The following VTCN1 variants were observed in gnomAD, a reference collection of about 807,000 sequenced individuals.
The protein encoded by VTCN1 is V-set domain-containing T-cell activation inhibitor 1.
VTCN1 carries 26 observed loss-of-function variants against 26.5 expected under a neutral mutation model. The ratio of observed to expected loss-of-function variants is 0.98; its 90% CI spans 0.72 to 1.36. The LOEUF is 1.36. VTCN1 is among the 40% of genes most tolerant of loss of function. The probability of loss-of-function intolerance (pLI) is 0.00; values close to 1 mark genes in which losing one functional copy is unlikely to be tolerated. For missense variants in VTCN1, 298 were observed against 337.7 expected (o/e 0.88, Z 0.92); for synonymous variants, 116 against 130.7 (o/e 0.89, Z 0.77).
chr1:117,160,954 G>T (rs192325672), intron 2 of VTCN1, among the ~76,000 whole-genome samples: 1 of 152,148 alleles, frequency 6.6e-6, no homozygotes. Flanking sequence ...ATTATAGCTA[G>T]AAAAGGAGGA....
chr1:117,192,578 T>A (rs1361087889), intron 1 of VTCN1, among the ~76,000 whole-genome samples: 1 of 152,178 alleles, frequency 6.6e-6, no homozygotes, highest in African/African-American at 2.4e-5. Flanking sequence ...TAAATATAAC[T>A]ATAGCTATAA....
intron 1 of VTCN1, chr1:117,173,230 A>G (rs908471283): frequency 2.8e-6 from 2 of 713,880 alleles, no homozygotes; most frequent in African/African-American, 3.5e-5. Flanking sequence ...AAGACCATGA[A>G]CCCACCAGAA....
At chr1:117,164,722 T>G (rs17036892) in intron 2 of VTCN1, among the ~76,000 whole-genome samples, 3,523 of 152,306 alleles carry the variant, frequency 0.023, 90 homozygotes, top group East Asian at 0.082. Flanking sequence ...ATTCTGAGAT[T>G]CTTCCATTAT....
chr1:117,167,467 T>C lies in VTCN1; in HGVS notation c.97+2640A>G, dbSNP rs893540958. Among the ~76,000 whole-genome samples, 1 of 152,344 alleles carries C rather than the reference T, an allele frequency of 6.6e-6. No individual in the cohort carries two copies. The highest frequency in any genetic ancestry group is 1.9e-4 in the East Asian group (1 of 5,186). On this transcript the variant is annotated intron_variant, in intron 2 of 5. Coordinates refer to ENST00000369458, the MANE Select transcript of VTCN1 (RefSeq NM_024626.4). This position sits in a 1 kb window ranked among gnomAD's most constrained non-coding sequence, Gnocchi z 4.1. ...GCATAGAATCATACAGAACTTACTCTTTTGTGCTCTTCTGTAGTTCCACAT... is the reference window on the plus strand; with the variant it reads ...GCATAGAATCATACAGAACTTACTCCTTTGTGCTCTTCTGTAGTTCCACAT...
intron 3 of VTCN1, 103 bp from the exon 4 acceptor site, chr1:117,153,472 T>C (rs946503282): frequency 7.9e-6 from 11 of 1,386,500 alleles, no homozygotes; most frequent in Non-Finnish European, 1.1e-5. Flanking sequence ...TTTTTTTTTT[T>C]TTTTTTTTAT....
At chr1:117,172,440 A>G (rs945849024) in intron 1 of VTCN1, 1 of 518,840 alleles carries the variant, frequency 1.9e-6, no homozygotes, top group African/African-American at 1.9e-5. Context: ...TACTGGTCCA[A>G]GAGAGTGAGA....
rs1310119966 is a variant in VTCN1 at position 117,183,701 on chromosome 1, G to A, written c.33-13530C>T. Among the ~76,000 whole-genome samples, 1 of 151,976 alleles carries A rather than the reference G, an allele frequency of 6.6e-6. No homozygotes were observed. The highest frequency in any genetic ancestry group is 2.1e-4 in the South Asian group (1 of 4,828). On this transcript the variant is annotated intron_variant, in intron 1 of 5. Transcript: ENST00000369458. This position sits in a 1 kb window ranked among gnomAD's most constrained non-coding sequence, Gnocchi z 4.1. Reference sequence around the variant, plus strand: ...CTCTAAAAGAGAAAGGACATTGTAGGGAATGAAGAGTTAAATTTCCAGAAT... The same window carrying A: ...CTCTAAAAGAGAAAGGACATTGTAGAGAATGAAGAGTTAAATTTCCAGAAT...
chr1:117,178,986 C>A (rs1647537872), intron 1 of VTCN1, among the ~76,000 whole-genome samples: 1 of 152,162 alleles, frequency 6.6e-6, no homozygotes. Context: ...CTGCTAGCTA[C>A]AAAACCACGG....
rs1400594934 is a variant in VTCN1 at position 117,175,312 on chromosome 1, T to C, written c.33-5141A>G. 6.6e-6 allele frequency among the ~76,000 whole-genome samples: 1 copy of C among 152,128 alleles called. No individual in the cohort carries two copies. Among genetic ancestry groups the C allele is most frequent in the Non-Finnish European group, 1.5e-5 (1 of 68,016 alleles). The stretch of plus-strand genomic sequence containing the variant: ...TTAGACAGACAAGGCAGGCACTCAG[T>C]AGGGCCAGAAACTACTTCAGGGGAT... On this transcript the variant is annotated intron_variant, in intron 1 of 5. Coordinates refer to ENST00000369458, the MANE Select transcript of VTCN1 (RefSeq NM_024626.4). This position sits in a 1 kb window ranked among gnomAD's most constrained non-coding sequence, Gnocchi z 4.2.
At chr1:117,189,458 CGTT>C (rs1648131381) in intron 1 of VTCN1, among the ~76,000 whole-genome samples, 1 of 152,146 alleles carries the variant, frequency 6.6e-6, no homozygotes, top group Admixed American at 6.5e-5. Flanking sequence ...TTTTCCCTGT[CGTT>C]CCACGAAAGG....
chr1:117,195,638 G>C (rs1256504284), intron 1 of VTCN1, among the ~76,000 whole-genome samples: 3 of 152,040 alleles, frequency 2.0e-5, no homozygotes, highest in African/African-American at 7.2e-5. Context: ...TCTGGAAAAA[G>C]GCTTTAGTGA....
rs796744164 is a variant in VTCN1 at position 117,187,062 on chromosome 1, G to A, written c.33-16891C>T. Among the ~76,000 whole-genome samples the A allele has an allele frequency of 3.3e-5, 5 of 151,940 alleles. No homozygotes were observed. The South Asian group carries it at 6.2e-4, about 19-fold the overall frequency. ...AGCACTTTAGGAGGCCAAGGCAGGTGGATTGCTTGAGTCCAGGAGTTCAAG... is the reference window on the plus strand; with the variant it reads ...AGCACTTTAGGAGGCCAAGGCAGGTAGATTGCTTGAGTCCAGGAGTTCAAG... On this transcript the variant is annotated intron_variant, in intron 1 of 5. Transcript: ENST00000369458.
rs534939923 is a variant in VTCN1, at chr1:117,193,009, T to C, written c.32+17815A>G. ...CAAAATAACAACACAGCAATAACAATGGAAATAAGAATAACAATACAGCAT... is the reference window on the plus strand; with the variant it reads ...CAAAATAACAACACAGCAATAACAACGGAAATAAGAATAACAATACAGCAT... On this transcript the variant is annotated intron_variant, in intron 1 of 5. Transcript: ENST00000369458. Among the ~76,000 whole-genome samples, 38 of 152,118 alleles carry C rather than the reference T, an allele frequency of 2.5e-4. 1 individual carries two copies. The South Asian group carries it at 7.9e-3, about 31-fold the overall frequency.
chr1:117,163,345 A>G (rs1652465803), intron 2 of VTCN1, among the ~76,000 whole-genome samples: 1 of 152,202 alleles, frequency 6.6e-6, no homozygotes, highest in African/African-American at 2.4e-5. Context: ...AATCTGTAAA[A>G]TGGGGATGCT....
intron 1 of VTCN1, among the ~76,000 whole-genome samples, chr1:117,206,810 G>T (rs146445296): frequency 6.6e-6 from 1 of 152,188 alleles, no homozygotes; most frequent in South Asian, 2.1e-4. Flanking sequence ...TGGGGGAAAA[G>T]CATAACACTC....
rs1651402136 is a variant in VTCN1 at position 117,144,296 on chromosome 1, C to G, written c.*975G>C. The G allele has an allele frequency of 6.6e-6, 1 of 152,196 alleles. No homozygotes were observed. The highest frequency in any genetic ancestry group is 1.5e-5 in the Non-Finnish European group (1 of 68,060). The allele number at this position is 152,196 out of a possible 1,614,324, so 9.4% of individuals were successfully genotyped here. A position where few individuals can be genotyped will look rare whatever the true frequency, so the allele number is the denominator to read the frequency against. On this transcript the variant is annotated 3_prime_UTR_variant, in exon 6 of 6. Coordinates refer to ENST00000369458, the MANE Select transcript of VTCN1 (RefSeq NM_024626.4). ...GTTGAGCAGCATCCCTGGCCTCTATCCACTAGTTGGTAGTAGCACTGTATC... is the reference window on the plus strand; with the variant it reads ...GTTGAGCAGCATCCCTGGCCTCTATGCACTAGTTGGTAGTAGCACTGTATC...
At chr1:117,165,427 G>C (rs1163577055) in intron 2 of VTCN1, among the ~76,000 whole-genome samples, 1 of 152,152 alleles carries the variant, frequency 6.6e-6, no homozygotes, top group Non-Finnish European at 1.5e-5. Context: ...TATATTGGAG[G>C]AGGTGCCTGG....
chr1:117,203,668 G>T, intron 1 of VTCN1: 2 of 985,340 alleles, frequency 2.0e-6, no homozygotes, highest in South Asian at 9.4e-5. Flanking sequence ...CCCATCTGTG[G>T]CTCTTTAGCA....
intron 2 of VTCN1, among the ~76,000 whole-genome samples, chr1:117,168,812 T>C (rs1266695481): frequency 6.6e-6 from 1 of 152,186 alleles, no homozygotes; most frequent in Admixed American, 6.5e-5. Context: ...CCCAGGTTGG[T>C]CTTGAACCCT....
Sources: allele counts gnomAD v4.1 joint callset (sites outside exome capture counted in the v4.1 genomes callset), GRCh38; gene constraint gnomAD v4.1.1; non-coding constraint Gnocchi (gnomAD v3.1); transcripts MANE v1.5; gene names NCBI Gene and HGNC (gene_info 2026-07-23, HGNC 2026-07-21).